FRZB: variants seen among roughly 807,000 people sequenced by gnomAD.
FRZB encodes the protein secreted frizzled-related protein 3.
A neutral mutation model predicts 32.5 loss-of-function variants in FRZB; 34 were observed. That is an observed-to-expected ratio of 1.05 (90% confidence interval 0.80 to 1.39). The LOEUF is 1.39. Among genes scored for constraint, FRZB ranks in the 40% most tolerant of loss-of-function variants. FRZB has a pLI of 0.00. For synonymous variants in FRZB, 170 were observed against 159.2 expected, an observed-to-expected ratio of 1.07 and a Z score of -0.51; for missense variants, 423 against 424.8, an observed-to-expected ratio of 1.00 and a Z score of 0.04.
At chr2:182,844,353 AG>A (rs1695617067) in intron 2 of FRZB, among the ~76,000 whole-genome samples, 1 of 152,204 alleles carries the variant, frequency 6.6e-6, no homozygotes, top group Non-Finnish European at 1.5e-5. Flanking sequence ...GAGAACAAAA[AG>A]TTACCTAGCT....
rs538686307 is a variant in FRZB at position 182,833,992 on chromosome 2, A to G, written c.*857T>C. 1 of 147,524 alleles carries G rather than the reference A, an allele frequency of 6.8e-6. No individual in the cohort carries two copies. Among genetic ancestry groups the G allele is most frequent in the African/African-American group, 2.7e-5 (1 of 37,688 alleles). 9.1% of individuals were successfully genotyped at this position (147,524 alleles called of 1,614,324 possible). Reference sequence around the variant, plus strand: ...AATACGGCAATTCTGATTTATTTTAAAAGAAGAGAAAAAAAAAGACTTTCA... The same window carrying G: ...AATACGGCAATTCTGATTTATTTTAGAAGAAGAGAAAAAAAAAGACTTTCA... On this transcript the variant is annotated 3_prime_UTR_variant, in exon 6 of 6. Coordinates refer to ENST00000295113, the MANE Select transcript of FRZB (RefSeq NM_001463.4).
Position 182,866,140 on chromosome 2 carries a change from T to C in FRZB, c.413A>G (p.Glu138Gly), listed in dbSNP as rs1248139901. 8.7e-6 allele frequency: 14 copies of C among 1,613,996 alleles called. No homozygotes were observed. Among genetic ancestry groups the C allele is most frequent in the Non-Finnish European group, 1.1e-5 (13 of 1,180,012 alleles). Residue 138 changes from glutamate to glycine, a missense_variant, in exon 1 of 6, where the codon GAG becomes GGG. Glu to Gly is a moderately conservative substitution (Grantham distance 98). Transcript: ENST00000295113. The surrounding 1 kb of genome is among the most constrained non-coding windows in gnomAD (Gnocchi z 4.5). ...CACGCCCCTGTCGTACACTGGCAGC[T>C]CCTCGCAGGCCAGGTTCTCCGGCCA... Reference protein sequence around the residue: ...HSWPENLACEELPVYDRGVCI... With the variant: ...HSWPENLACEGLPVYDRGVCI...
chr2:182,838,678 A>G, intron 3 of FRZB, 65 bp from the exon 4 acceptor site: 1 of 1,323,208 alleles, frequency 7.6e-7, no homozygotes, highest in Non-Finnish European at 1.1e-6. Context: ...ATTCAAAAAA[A>G]GCCAAAGTAG....
intron 2 of FRZB, among the ~76,000 whole-genome samples, chr2:182,853,099 A>G (rs551315862): frequency 6.6e-6 from 1 of 152,264 alleles, no homozygotes; most frequent in Admixed American, 6.5e-5. Context: ...CCTTTTCAGA[A>G]CATGTGAACA....
At chr2:182,836,462 A>T (rs1031770453) in intron 5 of FRZB, among the ~76,000 whole-genome samples, 3 of 152,100 alleles carry the variant, frequency 2.0e-5, no homozygotes, top group Admixed American at 2.0e-4. Context: ...TTAAATCCAG[A>T]CTGAGAATAT....
chr2:182,861,989 G>A (rs772697316), intron 1 of FRZB, among the ~76,000 whole-genome samples: 3 of 152,158 alleles, frequency 2.0e-5, no homozygotes, highest in Non-Finnish European at 2.9e-5. Context: ...AGGATCCTCA[G>A]AAGCATGTTT....
intron 2 of FRZB, among the ~76,000 whole-genome samples, chr2:182,842,990 AC>A: frequency 1.3e-5 from 2 of 152,244 alleles, no homozygotes; most frequent in Non-Finnish European, 2.9e-5. Context: ...TACTCCTCCT[AC>A]TATTAGCTCC....
intron 2 of FRZB, among the ~76,000 whole-genome samples, chr2:182,846,875 T>G (rs1033687138): frequency 1.3e-5 from 2 of 152,198 alleles, no homozygotes; most frequent in African/African-American, 4.8e-5. Context: ...CATCACACCA[T>G]GAATTTGTCT....
At chr2:182,851,839 C>G (rs1266806384) in intron 2 of FRZB, among the ~76,000 whole-genome samples, 2 of 152,046 alleles carry the variant, frequency 1.3e-5, no homozygotes. Context: ...TGAACTCCAA[C>G]AGGAGGAATC....
intron 5 of FRZB, among the ~76,000 whole-genome samples, chr2:182,836,852 A>G (rs1192607556): frequency 6.6e-6 from 1 of 152,018 alleles, no homozygotes; most frequent in Non-Finnish European, 1.5e-5. Flanking sequence ...CCTTTTGACA[A>G]ATCTACTAAA....
At chr2:182,848,349 T>C (rs1320760299) in intron 2 of FRZB, among the ~76,000 whole-genome samples, 1 of 152,130 alleles carries the variant, frequency 6.6e-6, no homozygotes, top group Non-Finnish European at 1.5e-5. Context: ...TGGTGGAACT[T>C]GTTCAGATAG....
intron 2 of FRZB, among the ~76,000 whole-genome samples, chr2:182,848,405 G>A (rs948084425): frequency 7.9e-5 from 12 of 152,114 alleles, no homozygotes; most frequent in Non-Finnish European, 1.5e-4. Flanking sequence ...CCATTCAGGA[G>A]GTCAATTCCA....
chr2:182,836,163 A>AT (rs1695523363), intron 5 of FRZB, among the ~76,000 whole-genome samples: 1 of 152,086 alleles, frequency 6.6e-6, no homozygotes, highest in African/African-American at 2.4e-5. Flanking sequence ...ATCGTCTGCT[A>AT]TAAGAGACTT....
chr2:182,844,449 C>T (rs749820186), intron 2 of FRZB, among the ~76,000 whole-genome samples: 8 of 152,156 alleles, frequency 5.3e-5, no homozygotes, highest in South Asian at 2.1e-4. Flanking sequence ...TTTCTGAAGA[C>T]GTAAATTTTA....
chr2:182,853,845 T>A (rs1424790267), intron 2 of FRZB, among the ~76,000 whole-genome samples: 2 of 152,214 alleles, frequency 1.3e-5, no homozygotes, highest in Non-Finnish European at 2.9e-5. Context: ...TATATGGTAC[T>A]CATCGCAGCT....
intron 2 of FRZB, among the ~76,000 whole-genome samples, chr2:182,846,064 G>A (rs1025322170): frequency 6.6e-6 from 1 of 152,190 alleles, no homozygotes; most frequent in South Asian, 2.1e-4. Context: ...TAGTTCAGAG[G>A]AGACAAGAAT....
At position 182,866,511 on chromosome 2, in the gene FRZB, G is replaced by A. The variant is rs1400121284; in HGVS notation, c.42C>T (p.Ala14=). ...AGAGAGCAGCCAGGGCAAGCAGCCC[G>A]GCCCGCAGCAGCAGCATCCCTCCCG... ...GSPGGMLLLR[A]GLLALAALCL... is the part of the protein sequence containing the mutation. The change falls in exon 1 of 6, where the codon GCC becomes GCT. Residue 14 remains alanine, a synonymous_variant. Coordinates refer to ENST00000295113, the MANE Select transcript of FRZB (RefSeq NM_001463.4). The surrounding 1 kb of genome is among the most constrained non-coding windows in gnomAD (Gnocchi z 4.5). 8 of 1,501,754 alleles carry A rather than the reference G, an allele frequency of 5.3e-6. No individual in the cohort carries two copies. The highest frequency in any genetic ancestry group is 7.1e-6 in the Non-Finnish European group (8 of 1,126,322). 93.0% of individuals were successfully genotyped at this position (1,501,754 alleles called of 1,614,324 possible). A position where few individuals can be genotyped will look rare whatever the true frequency, so the allele number is the denominator to read the frequency against.
intron 2 of FRZB, among the ~76,000 whole-genome samples, chr2:182,857,923 A>T (rs540126517): frequency 6.6e-6 from 1 of 152,200 alleles, no homozygotes; most frequent in African/African-American, 2.4e-5. Flanking sequence ...ATCATTAGCC[A>T]TTAGGGAAAT....
intron 3 of FRZB, among the ~76,000 whole-genome samples, chr2:182,838,899 A>G (rs764634826): frequency 1.3e-5 from 2 of 152,110 alleles, no homozygotes; most frequent in Non-Finnish European, 2.9e-5. Context: ...ATCCATTTAG[A>G]GAATCAAAGA....
Sources: gnomAD v4.1 joint callset for allele counts (sites outside exome capture counted in the v4.1 genomes callset) on GRCh38, gnomAD v4.1.1 for gene constraint, Gnocchi (gnomAD v3.1) non-coding constraint, MANE v1.5 for transcripts, NCBI Gene and HGNC (gene_info 2026-07-23, HGNC 2026-07-21) for gene names.